The following ITSN2 variants were observed in gnomAD, a reference collection of about 807,000 sequenced individuals.
The protein encoded by ITSN2 is intersectin-2.
ITSN2 carries 156 observed loss-of-function variants against 243.7 expected under a neutral mutation model. The observed-to-expected ratio is 0.64, with a 90% CI of 0.56 to 0.73. The LOEUF (loss-of-function observed/expected upper bound fraction) is 0.73. Among genes scored for constraint, ITSN2 ranks in the 30% least tolerant of loss-of-function variants. ITSN2 has a pLI of 0.00. For missense variants in ITSN2, 1,801 were observed against 1,996.1 expected, an observed-to-expected ratio of 0.90 and a Z score of 1.86; for synonymous variants, 703 against 699.9, an observed-to-expected ratio of 1.00 and a Z score of -0.07.
At chr2:24,320,205 C>T (rs1160207763) in intron 2 of ITSN2, among the ~76,000 whole-genome samples, 1 of 68,058 alleles carries the variant, frequency 1.5e-5, no homozygotes, top group African/African-American at 6.0e-5. Flanking sequence ...AGTGAGACCC[C>T]ATCTCTACAA....
intron 1 of ITSN2, among the ~76,000 whole-genome samples, chr2:24,345,419 C>T (rs561325964): frequency 7.2e-5 from 11 of 152,262 alleles, no homozygotes; most frequent in African/African-American, 2.4e-4. Flanking sequence ...ATTCTCACAG[C>T]CTATTTTTAC....
intron 7 of ITSN2, chr2:24,309,095 A>G (rs947328884): frequency 1.8e-5 from 4 of 222,710 alleles, no homozygotes; most frequent in African/African-American, 9.3e-5. Flanking sequence ...TCCTAAAACC[A>G]TTGCTTCAAG....
At chr2:24,358,932 T>G (rs1157319541) in intron 1 of ITSN2, among the ~76,000 whole-genome samples, 1 of 152,212 alleles carries the variant, frequency 6.6e-6, no homozygotes, top group Non-Finnish European at 1.5e-5. Context: ...GGAATAGTTA[T>G]CAATGCATGG....
At chr2:24,258,638 T>C (rs1388234643) in intron 22 of ITSN2, among the ~76,000 whole-genome samples, 10 of 152,206 alleles carry the variant, frequency 6.6e-5, no homozygotes, top group Admixed American at 2.6e-4. Flanking sequence ...TCTTCTATTA[T>C]ACCCTTTCAT....
chr2:24,222,668 C>CTTT (rs56149622), intron 29 of ITSN2, among the ~76,000 whole-genome samples: 60 of 77,208 alleles, frequency 7.8e-4, no homozygotes, highest in East Asian at 1.5e-3. Context: ...TTTTTCTTTT[C>CTTT]TTTTTTTTTT....
Position 24,261,281 on chromosome 2 carries a change from T to C in ITSN2, c.2538-31A>G, listed in dbSNP as rs4665680. 0.98 allele frequency: 1,492,284 copies of C among 1,523,186 alleles called. 731,084 individuals carry two copies. Among genetic ancestry groups the C allele is most frequent in the East Asian group, 0.99 (43,640 of 44,300 alleles). The allele number at this position is 1,523,186 out of a possible 1,614,324, so 94.4% of individuals were successfully genotyped here. A position where few individuals can be genotyped will look rare whatever the true frequency, so the allele number is the denominator to read the frequency against. On this transcript the variant is annotated intron_variant, in intron 21 of 39. Transcript: ENST00000355123. ...AATATAACACTTTGATATAAGTATA[T>C]TTATTTGTTTAGAACTTAATGAAGT...
At chr2:24,330,278 A>G in intron 1 of ITSN2, 1 of 371,116 alleles carries the variant, frequency 2.7e-6, no homozygotes, top group Non-Finnish European at 5.2e-6. Context: ...TGTGAATACA[A>G]AAGAATGCCA....
chr2:24,351,448 G>A (rs557676439), intron 1 of ITSN2, among the ~76,000 whole-genome samples: 39 of 152,254 alleles, frequency 2.6e-4, no homozygotes, highest in Admixed American at 6.5e-4. Context: ...TTGAATCCCA[G>A]TGCAAGTACT....
chr2:24,246,341 T>C, intron 28 of ITSN2, 21 bp from the exon 29 acceptor site: 2 of 1,475,122 alleles, frequency 1.4e-6, no homozygotes, highest in African/African-American at 1.4e-5. Flanking sequence ...AATAACAAAA[T>C]AACACATTAA....
Position 24,313,231 on chromosome 2 carries a change from T to TG in ITSN2, c.188+228dup, listed in dbSNP as rs556148335. Among the ~76,000 whole-genome samples, 227 of 151,960 alleles carry TG rather than the reference T, an allele frequency of 1.5e-3. 1 individual carries two copies. Among genetic ancestry groups the TG allele is most frequent in the African/African-American group, 5.2e-3 (214 of 41,444 alleles). On this transcript the variant is annotated intron_variant, in intron 4 of 39. Coordinates refer to ENST00000355123, the MANE Select transcript of ITSN2 (RefSeq NM_006277.3). ...CCCTGAGTAGCTGGGACTAGAGGTG[T>TG]GGCCACCACACCCAGCTAATTTTTT... is the stretch of plus-strand genomic sequence containing the variant.
intron 29 of ITSN2, among the ~76,000 whole-genome samples, chr2:24,244,400 A>G (rs1673099783): frequency 6.6e-6 from 1 of 152,180 alleles, no homozygotes; most frequent in Non-Finnish European, 1.5e-5. Flanking sequence ...CCTTCCTTTC[A>G]AACAGCTTTT....
At chr2:24,334,067 T>C (rs12473424) in intron 1 of ITSN2, among the ~76,000 whole-genome samples, 147,048 of 150,786 alleles carry the variant, frequency 0.98, 71,692 homozygotes, top group East Asian at 0.99. Context: ...TTTTTTTTTT[T>C]CTTTTTTTTG....
At chr2:24,310,722 T>A in intron 5 of ITSN2, 30 bp from the exon 6 acceptor site, 1 of 1,583,998 alleles carries the variant, frequency 6.3e-7, no homozygotes, top group Non-Finnish European at 8.7e-7. Flanking sequence ...TTTTTTCCAG[T>A]GCTAGAAAAT....
chr2:24,241,060 A>C (rs888321134), intron 29 of ITSN2: 2 of 152,182 alleles, frequency 1.3e-5, no homozygotes, highest in African/African-American at 4.8e-5. Flanking sequence ...ATGAACACAG[A>C]GGAATGCCAG....
At chr2:24,272,651 G>C (rs922517060) in intron 18 of ITSN2, among the ~76,000 whole-genome samples, 1 of 152,050 alleles carries the variant, frequency 6.6e-6, no homozygotes, top group Non-Finnish European at 1.5e-5. Flanking sequence ...GCCCAGTCTG[G>C]TCTGGAACTC....
At chr2:24,266,494 C>G (rs1307317485) in intron 20 of ITSN2, among the ~76,000 whole-genome samples, 1 of 152,086 alleles carries the variant, frequency 6.6e-6, no homozygotes, top group African/African-American at 2.4e-5. Flanking sequence ...ATTTAGAAAA[C>G]TCCTAAACCA....
chr2:24,349,117 ATC>A (rs1687814596), intron 1 of ITSN2, among the ~76,000 whole-genome samples: 6 of 15,914 alleles, frequency 3.8e-4, no homozygotes, highest in Admixed American at 8.1e-4. Flanking sequence ...AACAATAATC[ATC>A]ATCATCATCA....
At chr2:24,220,208 G>T in intron 30 of ITSN2, 2 of 394,836 alleles carry the variant, frequency 5.1e-6, no homozygotes, top group Non-Finnish European at 6.9e-6. Context: ...GCACCTGTTG[G>T]GTGTGTGGGG....
chr2:24,325,928 T>C (rs958244000), intron 2 of ITSN2, among the ~76,000 whole-genome samples: 1 of 151,574 alleles, frequency 6.6e-6, no homozygotes, highest in African/African-American at 2.4e-5. Context: ...CGTATATACA[T>C]ACACACACAC....
Sources: allele counts gnomAD v4.1 joint callset (sites outside exome capture counted in the v4.1 genomes callset), GRCh38; gene constraint gnomAD v4.1.1; transcripts MANE v1.5; gene names NCBI Gene and HGNC (gene_info 2026-07-23, HGNC 2026-07-21).